Variants in TMEM38A observed in about 807,000 individuals in gnomAD.
TMEM38A encodes the protein transmembrane protein 38A, also known as trimeric intracellular cation channel type A.
In TMEM38A, 17 loss-of-function variants were observed where a neutral mutation model predicts 28.6. The ratio of observed to expected loss-of-function variants is 0.60; its 90% CI spans 0.41 to 0.89. The LOEUF is 0.89. Among genes scored for constraint, TMEM38A ranks in the 40% least tolerant of loss-of-function variants. The probability of loss-of-function intolerance (pLI) is 0.00; values close to 1 mark genes in which losing one functional copy is unlikely to be tolerated. For missense variants in TMEM38A, 328 were observed against 393.1 expected (o/e 0.83, Z 1.40); for synonymous variants, 169 against 166.1 (o/e 1.02, Z -0.14).
chr19:16,682,500 C>A lies in TMEM38A; in HGVS notation c.546C>A (p.His182Gln). The A allele has an allele frequency of 6.2e-7, 1 of 1,614,082 alleles. No homozygotes were observed. Among genetic ancestry groups the A allele is most frequent in the Non-Finnish European group, 8.5e-7 (1 of 1,179,986 alleles). The stretch of plus-strand genomic sequence containing the variant: ...AGCCAGAGACCAACGAGATCCTGCA[C>A]ATGTCTTTGTGAGTATCCCACTCCA... The part of the protein sequence containing the change: ...VWKPETNEIL[H>Q]MSFPTKASLY... The change falls in exon 4 of 6, where the codon CAC (histidine) becomes CAA (glutamine). Residue 182 changes from histidine (H) to glutamine (Q), a missense_variant. His to Gln is a conservative substitution (Grantham distance 24, BLOSUM62 0). Transcript: ENST00000187762.
Position 16,688,447 on chromosome 19 carries a change from T to A in TMEM38A, c.*76T>A. On this transcript the variant is annotated 3_prime_UTR_variant, in exon 6 of 6. Transcript: ENST00000187762. ...AGCTGGGAGGCTTCCTGCGCTCAGATCTATCCTTTCCTGGCCTTGACTTCC... is the reference window on the plus strand; with the variant it reads ...AGCTGGGAGGCTTCCTGCGCTCAGAACTATCCTTTCCTGGCCTTGACTTCC... The A allele has an allele frequency of 8.2e-7, 1 of 1,223,372 alleles. No homozygotes were observed. Among genetic ancestry groups the A allele is most frequent in the Non-Finnish European group, 1.1e-6 (1 of 928,932 alleles). The allele number at this position is 1,223,372 out of a possible 1,614,324, so 75.8% of individuals were successfully genotyped here.
chr19:16,686,379 T>A lies in TMEM38A; in HGVS notation c.646T>A (p.Phe216Ile). The A allele has an allele frequency of 6.2e-7, 1 of 1,613,634 alleles. No homozygotes were observed. Among genetic ancestry groups the A allele is most frequent in the Non-Finnish European group, 8.5e-7 (1 of 1,179,828 alleles). The stretch of plus-strand genomic sequence containing the variant: ...GTCCAAAGCCAGCCTCATCTTCATC[T>A]TCACCTTGTTCATGGTGTCCTGTAA... ...PVSKASLIFI[F>I]TLFMVSCKVF... Residue 216 changes from phenylalanine (F) to isoleucine (I), a missense_variant, in exon 5 of 6, where the codon TTC becomes ATC. Coordinates refer to ENST00000187762, the MANE Select transcript of TMEM38A (RefSeq NM_024074.4).
At chr19:16,663,023 G>A (rs1166522669) in intron 1 of TMEM38A, among the ~76,000 whole-genome samples, 1 of 151,738 alleles carries the variant, frequency 6.6e-6, no homozygotes, top group Admixed American at 6.6e-5. Flanking sequence ...GCTCACGCCT[G>A]TAATCCCAGC....
intron 1 of TMEM38A, among the ~76,000 whole-genome samples, chr19:16,670,917 C>T (rs112639822): frequency 0.16 from 24,614 of 151,828 alleles, 2,952 homozygotes; most frequent in East Asian, 0.33. Flanking sequence ...CCAGCCTGGG[C>T]GACAGAGCAA....
intron 5 of TMEM38A, among the ~76,000 whole-genome samples, chr19:16,687,175 T>C (rs2086805377): frequency 6.6e-6 from 1 of 151,870 alleles, no homozygotes; most frequent in African/African-American, 2.4e-5. Context: ...CTCCTAAAAA[T>C]ACAAAAATTA....
At chr19:16,663,898 C>T (rs1475081543) in intron 1 of TMEM38A, among the ~76,000 whole-genome samples, 1 of 151,920 alleles carries the variant, frequency 6.6e-6, no homozygotes, top group Admixed American at 6.6e-5. Flanking sequence ...TATTAATCTC[C>T]CCTCCCTCAG....
At chr19:16,685,208 G>A (rs965194643) in intron 4 of TMEM38A, among the ~76,000 whole-genome samples, 7 of 152,006 alleles carry the variant, frequency 4.6e-5, no homozygotes, top group Admixed American at 2.0e-4. Context: ...CCGACATGGC[G>A]AAACCCCATC....
chr19:16,688,884 T>C lies in TMEM38A; in HGVS notation c.*513T>C, dbSNP rs1252330369. The stretch of plus-strand genomic sequence containing the variant: ...GGTGCACGCCTTTAATCCCAGCTAC[T>C]CGGGAGGCTGAGGCAGGAGAATCAC... On this transcript the variant is annotated 3_prime_UTR_variant, in exon 6 of 6. Coordinates refer to ENST00000187762, the MANE Select transcript of TMEM38A (RefSeq NM_024074.4). 3 of 151,824 alleles carry C rather than the reference T, an allele frequency of 2.0e-5. No individual in the cohort carries two copies. Among genetic ancestry groups the C allele is most frequent in the Admixed American group, 1.3e-4 (2 of 15,172 alleles). 9.4% of individuals were successfully genotyped at this position (151,824 alleles called of 1,614,324 possible). A position where few individuals can be genotyped will look rare whatever the true frequency, so the allele number is the denominator to read the frequency against.
intron 5 of TMEM38A, among the ~76,000 whole-genome samples, chr19:16,687,881 C>T (rs561922075): frequency 6.6e-6 from 1 of 152,260 alleles, no homozygotes; most frequent in East Asian, 1.9e-4. Flanking sequence ...GTGGGGAATT[C>T]TGGGGGATGG....
chr19:16,662,372 A>G (rs1716901025), intron 1 of TMEM38A, among the ~76,000 whole-genome samples: 1 of 150,802 alleles, frequency 6.6e-6, no homozygotes, highest in African/African-American at 2.4e-5. Context: ...ACTGGTGGCC[A>G]GCCACCTTTC....
chr19:16,669,070 T>A (rs2086715633), intron 1 of TMEM38A, among the ~76,000 whole-genome samples: 1 of 152,046 alleles, frequency 6.6e-6, no homozygotes, highest in Non-Finnish European at 1.5e-5. Flanking sequence ...CCTCAGGTGA[T>A]CTGCCCGCCT....
In TMEM38A at chr19:16,661,170, C is replaced by T. The variant is rs1382075849; in HGVS notation, c.-48C>T. 1.7e-6 allele frequency: 2 copies of T among 1,188,348 alleles called. No individual in the cohort carries two copies. The highest frequency in any genetic ancestry group is 6.0e-5 in the South Asian group (2 of 33,612). The allele number at this position is 1,188,348 out of a possible 1,614,324, so 73.6% of individuals were successfully genotyped here. ...GCCGGGCCGCGGGCGGCGGGACGGA[C>T]GAGGCCGGGGCCCCGGGTGGCACCC... On this transcript the variant is annotated 5_prime_UTR_variant, in exon 1 of 6. In the 5' UTR this introduces an upstream ATG that the reference lacks. Coordinates refer to ENST00000187762, the MANE Select transcript of TMEM38A (RefSeq NM_024074.4). This position sits in a 1 kb window ranked among gnomAD's most constrained non-coding sequence, Gnocchi z 6.5.
chr19:16,671,729 C>T (rs1336238355), intron 1 of TMEM38A, among the ~76,000 whole-genome samples: 1 of 152,206 alleles, frequency 6.6e-6, no homozygotes, highest in African/African-American at 2.4e-5. Context: ...CGCGCCCAGC[C>T]GGCATGTGAC....
At chr19:16,676,753 AC>A (rs999282375) in intron 1 of TMEM38A, among the ~76,000 whole-genome samples, 2 of 133,678 alleles carry the variant, frequency 1.5e-5, no homozygotes, top group African/African-American at 6.0e-5. Flanking sequence ...CATTTTCATG[AC>A]CTTTTTTTTT....
At chr19:16,672,445 C>CCTTTT (rs1491240988) in intron 1 of TMEM38A, among the ~76,000 whole-genome samples, 1 of 100,440 alleles carries the variant, frequency 1.0e-5, no homozygotes, top group African/African-American at 7.6e-5. Flanking sequence ...AAAAAAACCT[C>CCTTTT]ATTTTTTTTT....
intron 1 of TMEM38A, among the ~76,000 whole-genome samples, chr19:16,678,364 G>C (rs71336781): frequency 2.8e-4 from 43 of 151,022 alleles, no homozygotes; most frequent in Non-Finnish European, 5.3e-4. Flanking sequence ...GGGAGGAGGA[G>C]GTTGCAGTGA....
intron 1 of TMEM38A, among the ~76,000 whole-genome samples, chr19:16,675,131 T>C (rs971728919): frequency 6.6e-6 from 1 of 152,172 alleles, no homozygotes; most frequent in African/African-American, 2.4e-5. Context: ...GGCACTAACA[T>C]GGTCAAGTTC....
rs564494745 is a variant in TMEM38A at position 16,689,269 on chromosome 19, C to T, written c.*898C>T. 2.0e-4 allele frequency: 31 copies of T among 152,322 alleles called. No individual in the cohort carries two copies. Among genetic ancestry groups the T allele is most frequent in the African/African-American group, 4.3e-4 (18 of 41,566 alleles). 9.4% of individuals were successfully genotyped at this position (152,322 alleles called of 1,614,324 possible). ...TGGAGACCCTTGGCCCCCCTCTGTA[C>T]GGAAGGGCCGATGCGAAGCTGCAGT... On this transcript the variant is annotated 3_prime_UTR_variant, in exon 6 of 6. Transcript: ENST00000187762.
chr19:16,664,032 G>A (rs2086693371), intron 1 of TMEM38A, among the ~76,000 whole-genome samples: 3 of 152,172 alleles, frequency 2.0e-5, no homozygotes, highest in African/African-American at 7.2e-5. Context: ...GTGGTCCCAT[G>A]GCTGGTCAGT....
Sources: gnomAD v4.1 joint callset for allele counts (sites outside exome capture counted in the v4.1 genomes callset) on GRCh38, gnomAD v4.1.1 for gene constraint, Gnocchi (gnomAD v3.1) non-coding constraint, MANE v1.5 for transcripts, NCBI Gene and HGNC (gene_info 2026-07-23, HGNC 2026-07-21) for gene names.